The following KCNIP4 variants were observed in gnomAD, a reference collection of about 807,000 sequenced individuals.
The protein encoded by KCNIP4 is Kv channel-interacting protein 4.
KCNIP4 carries 12 observed loss-of-function variants against 34.0 expected under a neutral mutation model. The ratio of observed to expected loss-of-function variants is 0.35; its 90% CI spans 0.23 to 0.57. The LOEUF is 0.57. Ranked by LOEUF, KCNIP4 falls within the 20% of genes least tolerant of loss-of-function variation. The pLI, the probability that KCNIP4 is intolerant of heterozygous loss-of-function variation, is 0.83. For missense variants in KCNIP4, 238 were observed against 311.7 expected (o/e 0.76, Z 1.78); for synonymous variants, 124 against 102.2 (o/e 1.21, Z -1.29).
intron 1 of KCNIP4, among the ~76,000 whole-genome samples, chr4:21,663,952 T>A (rs1748639337): frequency 6.6e-6 from 1 of 152,172 alleles, no homozygotes; most frequent in South Asian, 2.1e-4. Context: ...TTGTTTTGTT[T>A]CTTTTTTTTT....
intron 1 of KCNIP4, among the ~76,000 whole-genome samples, chr4:21,197,707 T>A (rs1319131536): frequency 1.3e-5 from 2 of 152,148 alleles, no homozygotes; most frequent in Non-Finnish European, 2.9e-5. Context: ...ATTAAATGCT[T>A]AATTAATGCT....
At chr4:21,499,594 C>T (rs540729600) in intron 1 of KCNIP4, among the ~76,000 whole-genome samples, 85 of 151,856 alleles carry the variant, frequency 5.6e-4, no homozygotes, top group African/African-American at 1.9e-3. Context: ...ATAATTATAT[C>T]TATTTGGAAA....
At chr4:21,770,753 A>C (rs1310795020) in intron 1 of KCNIP4, among the ~76,000 whole-genome samples, 1 of 152,182 alleles carries the variant, frequency 6.6e-6, no homozygotes, top group Non-Finnish European at 1.5e-5. Flanking sequence ...TCTTTTGAGA[A>C]GTGTCTGTTC....
intron 3 of KCNIP4, among the ~76,000 whole-genome samples, chr4:20,783,449 G>A (rs1032409561): frequency 6.6e-6 from 1 of 152,174 alleles, no homozygotes; most frequent in African/African-American, 2.4e-5. Context: ...TCAGAATCAT[G>A]GTGGGAGGTG....
At chr4:21,762,493 C>T (rs1718125867) in intron 1 of KCNIP4, among the ~76,000 whole-genome samples, 1 of 152,090 alleles carries the variant, frequency 6.6e-6, no homozygotes, top group African/African-American at 2.4e-5. Flanking sequence ...TAGTACACTG[C>T]TAGGCTCAAT....
At chr4:21,199,790 C>G (rs1001367394) in intron 1 of KCNIP4, among the ~76,000 whole-genome samples, 3 of 152,108 alleles carry the variant, frequency 2.0e-5, no homozygotes, top group Non-Finnish European at 4.4e-5. Context: ...TGGAACCAAC[C>G]CAAATGTCCA....
intron 1 of KCNIP4, among the ~76,000 whole-genome samples, chr4:21,495,600 T>TC (rs1468304132): frequency 6.6e-6 from 1 of 152,104 alleles, no homozygotes; most frequent in African/African-American, 2.4e-5. Context: ...TTTTTTTTTT[T>TC]CTGTTACAGA....
intron 1 of KCNIP4, among the ~76,000 whole-genome samples, chr4:21,709,811 A>G (rs1436139978): frequency 6.6e-6 from 1 of 152,224 alleles, no homozygotes; most frequent in African/African-American, 2.4e-5. Flanking sequence ...CCAGGTTACA[A>G]TTCTCTTTAG....
At chr4:21,318,100 C>A (rs1263766089) in intron 1 of KCNIP4, among the ~76,000 whole-genome samples, 1 of 152,168 alleles carries the variant, frequency 6.6e-6, no homozygotes, top group East Asian at 1.9e-4. Flanking sequence ...CAGACTCAAA[C>A]TTTCCAAACC....
At chr4:21,074,391 T>C (rs1274784304) in intron 1 of KCNIP4, among the ~76,000 whole-genome samples, 15 of 152,232 alleles carry the variant, frequency 9.9e-5, no homozygotes, top group Admixed American at 9.8e-4. Context: ...CAGGAATTTA[T>C]TCATTTCTTC....
chr4:20,779,594 A>C (rs1306350225), intron 3 of KCNIP4, among the ~76,000 whole-genome samples: 27 of 105,140 alleles, frequency 2.6e-4, no homozygotes, highest in Non-Finnish European at 4.8e-4. Context: ...CCCCCACACA[A>C]AAAAGAAATG....
chr4:21,765,831 A>C (rs1462831430), intron 1 of KCNIP4, among the ~76,000 whole-genome samples: 4 of 151,354 alleles, frequency 2.6e-5, no homozygotes, highest in East Asian at 2.0e-4. Context: ...AAAAAAAAAA[A>C]AAAAAAAACA....
rs55701942 is a variant in KCNIP4 at position 21,773,745 on chromosome 4, GTTT to G, written c.61+174823_61+174825del. ...ATTGCAACCCCTGTTTTTTTTTGTTGTTTTTTTTTTTTTGTTTGTTTGTTTTTG... is the reference window on the plus strand; with the variant it reads ...ATTGCAACCCCTGTTTTTTTTTGTTGTTTTTTTTTTGTTTGTTTGTTTTTG... On this transcript the variant is annotated intron_variant, in intron 1 of 8. Transcript: ENST00000382152. 9.0e-4 allele frequency among the ~76,000 whole-genome samples: 104 copies of G among 115,446 alleles called. 1 individual carries two copies. Among genetic ancestry groups the G allele is most frequent in the East Asian group, 2.2e-4 (1 of 4,548 alleles). The allele number at this position is 115,446 out of a possible 152,430, so 75.7% of individuals were successfully genotyped here. A position where few individuals can be genotyped will look rare whatever the true frequency, so the allele number is the denominator to read the frequency against.
intron 1 of KCNIP4, among the ~76,000 whole-genome samples, chr4:20,919,932 T>C (rs1162323981): frequency 6.6e-6 from 1 of 152,138 alleles, no homozygotes; most frequent in East Asian, 1.9e-4. Flanking sequence ...TAGAATCCTC[T>C]TCTCTTTCTG....
At chr4:21,860,905 AT>A (rs936800034) in intron 1 of KCNIP4, among the ~76,000 whole-genome samples, 11 of 152,036 alleles carry the variant, frequency 7.2e-5, no homozygotes, top group Non-Finnish European at 1.3e-4. Flanking sequence ...AAATTCTGAA[AT>A]TTTTTTCTTA....
At chr4:21,464,765 T>C (rs1465416650) in intron 1 of KCNIP4, 1 of 152,154 alleles carries the variant, frequency 6.6e-6, no homozygotes, top group Admixed American at 6.6e-5. Context: ...CAGATAGACC[T>C]GACAGACATT....
intron 1 of KCNIP4, among the ~76,000 whole-genome samples, chr4:21,242,436 T>G (rs1759901149): frequency 6.6e-6 from 1 of 152,118 alleles, no homozygotes; most frequent in Non-Finnish European, 1.5e-5. Context: ...GGTGGTTAGT[T>G]TTCTGTGTCA....
chr4:21,074,474 G>C (rs1220545658), intron 1 of KCNIP4, among the ~76,000 whole-genome samples: 1 of 151,982 alleles, frequency 6.6e-6, no homozygotes, highest in Non-Finnish European at 1.5e-5. Flanking sequence ...CTGTGGGATC[G>C]GTGGTGATAT....
chr4:21,290,824 G>A (rs1156744710), intron 1 of KCNIP4, among the ~76,000 whole-genome samples: 5 of 152,292 alleles, frequency 3.3e-5, no homozygotes, highest in African/African-American at 7.2e-5. Context: ...GGAAGTTCAT[G>A]ACCTGGCAAG....
Sources: allele counts gnomAD v4.1 joint callset (sites outside exome capture counted in the v4.1 genomes callset), GRCh38; gene constraint gnomAD v4.1.1; transcripts MANE v1.5; gene names NCBI Gene and HGNC (gene_info 2026-07-23, HGNC 2026-07-21).